Variants in ZBTB7C observed in about 807,000 individuals in gnomAD.
ZBTB7C encodes the protein zinc finger and BTB domain-containing protein 7C.
Under a neutral mutation model 25.7 loss-of-function variants are expected in ZBTB7C, and 8 were observed. That is an observed-to-expected ratio of 0.31 (90% CI 0.18 to 0.56). The LOEUF (loss-of-function observed/expected upper bound fraction) is 0.56, where lower values mean the gene tolerates loss of function less well. Among genes scored for constraint, ZBTB7C ranks in the 20% least tolerant of loss-of-function variants. The pLI is 0.91. For synonymous variants in ZBTB7C, 394 were observed against 369.0 expected, an observed-to-expected ratio of 1.07 and a Z score of -0.78; for missense variants, 824 against 855.2, an observed-to-expected ratio of 0.96 and a Z score of 0.46.
intron 1 of ZBTB7C, among the ~76,000 whole-genome samples, chr18:48,392,440 T>C (rs200681403): frequency 6.6e-6 from 1 of 152,250 alleles, no homozygotes; most frequent in Non-Finnish European, 1.5e-5. Flanking sequence ...GCTATGGCTG[T>C]GTTTCTCTGT....
intron 1 of ZBTB7C, among the ~76,000 whole-genome samples, chr18:48,369,387 C>T (rs1364820002): frequency 6.6e-6 from 1 of 151,648 alleles, no homozygotes; most frequent in African/African-American, 2.4e-5. Flanking sequence ...AAATGAAAGA[C>T]AGAGAGAATA....
At chr18:48,071,155 T>C (rs1356087589) in intron 3 of ZBTB7C, among the ~76,000 whole-genome samples, 1 of 152,152 alleles carries the variant, frequency 6.6e-6, no homozygotes, top group Non-Finnish European at 1.5e-5. Context: ...AAAACATCCT[T>C]TACACAAAGG....
At chr18:48,090,767 C>T (rs1183549920) in intron 3 of ZBTB7C, among the ~76,000 whole-genome samples, 1 of 151,294 alleles carries the variant, frequency 6.6e-6, no homozygotes, top group East Asian at 1.9e-4. Context: ...GACAGACCCA[C>T]CCCTTGCCTG....
intron 1 of ZBTB7C, among the ~76,000 whole-genome samples, chr18:48,379,058 G>C (rs1598997378): frequency 6.6e-6 from 1 of 152,158 alleles, no homozygotes; most frequent in African/African-American, 2.4e-5. Flanking sequence ...TAATCCTATG[G>C]TAAGTTAAGG....
intron 2 of ZBTB7C, among the ~76,000 whole-genome samples, chr18:48,210,320 T>C (rs2042673700): frequency 6.6e-6 from 1 of 152,180 alleles, no homozygotes; most frequent in African/African-American, 2.4e-5. Context: ...CTCCTAAATA[T>C]ATACCCCAAA....
At chr18:48,256,348 C>T (rs143376027) in intron 2 of ZBTB7C, among the ~76,000 whole-genome samples, 1 of 150,986 alleles carries the variant, frequency 6.6e-6, no homozygotes, top group Non-Finnish European at 1.5e-5. Flanking sequence ...ATAATGTGGG[C>T]AAAAAGACAG....
chr18:48,029,482 CT>C lies in ZBTB7C; in HGVS notation c.1637del (p.Glu546GlyfsTer11), dbSNP rs1328067169. On this transcript the variant is annotated frameshift_variant, in exon 5 of 5. Coordinates refer to ENST00000590800, the MANE Select transcript of ZBTB7C (RefSeq NM_001318841.2). LOFTEE classifies it high-confidence loss of function. ...GTGTCTCCTCGAACTGCCGCTCCAG[CT>C]CTTGCAGGCTCAGGGCGCCCTTGGG... ...AAPKGALSLQ[E>X]LERQFEETQM... is the part of the protein sequence containing the mutation. 6.3e-7 allele frequency: 1 copy of C among 1,595,920 alleles called. No homozygotes were observed. The highest frequency in any genetic ancestry group is 8.5e-7 in the Non-Finnish European group (1 of 1,175,482).
intron 3 of ZBTB7C, among the ~76,000 whole-genome samples, chr18:48,100,816 C>A (rs2038802433): frequency 6.6e-6 from 1 of 151,782 alleles, no homozygotes; most frequent in South Asian, 2.1e-4. Flanking sequence ...AACAAGGTCG[C>A]AAATCAAGCC....
In ZBTB7C at chr18:48,045,166, A is replaced by C. The variant is rs548968279; in HGVS notation, c.-16-4043T>G. Among the ~76,000 whole-genome samples the C allele has an allele frequency of 8.3e-4, 126 of 152,358 alleles. 1 individual carries two copies. The highest frequency in any genetic ancestry group is 2.9e-3 in the African/African-American group (122 of 41,594). On this transcript the variant is annotated intron_variant, in intron 3 of 4. Transcript: ENST00000590800. ...GTGGCACTGCCCTCCAGGGACAGCC[A>C]AGCAGGCAAGGGCCGGCAGGGCAGA...
intron 1 of ZBTB7C, among the ~76,000 whole-genome samples, chr18:48,399,306 C>T (rs985263847): frequency 2.0e-5 from 3 of 152,206 alleles, no homozygotes; most frequent in Non-Finnish European, 4.4e-5. Flanking sequence ...TTTAAAACCC[C>T]TTTTGTACCT....
At chr18:48,110,332 C>G (rs201834258) in intron 3 of ZBTB7C, among the ~76,000 whole-genome samples, 14 of 152,018 alleles carry the variant, frequency 9.2e-5, no homozygotes, top group East Asian at 5.8e-4. Context: ...CCTACCCCCC[C>G]ACCTGGTTCA....
chr18:48,198,817 T>C (rs1267862846), intron 2 of ZBTB7C, among the ~76,000 whole-genome samples: 1 of 152,220 alleles, frequency 6.6e-6, no homozygotes, highest in Non-Finnish European at 1.5e-5. Context: ...GATTAGGATG[T>C]GGACATCTTT....
At chr18:48,353,940 T>C (rs553256909) in intron 1 of ZBTB7C, among the ~76,000 whole-genome samples, 2 of 152,262 alleles carry the variant, frequency 1.3e-5, no homozygotes, top group South Asian at 2.1e-4. Context: ...GAGAGGGAGA[T>C]AGAGACTTTA....
chr18:48,380,461 A>T lies in ZBTB7C; in HGVS notation c.-304+28765T>A, dbSNP rs1008297432. On this transcript the variant is annotated intron_variant, in intron 1 of 4. Transcript: ENST00000590800. ...GGATTAGTCGGAGACATCGGTATGA[A>T]CTCATGTTTACCTTGACATAAATAC... is the stretch of plus-strand genomic sequence containing the variant. Among the ~76,000 whole-genome samples, 11 of 152,324 alleles carry T rather than the reference A, an allele frequency of 7.2e-5. No homozygotes were observed. The South Asian group carries it at 1.4e-3, about 20-fold the overall frequency.
chr18:48,152,562 C>T (rs1465563654), intron 3 of ZBTB7C, among the ~76,000 whole-genome samples: 1 of 152,192 alleles, frequency 6.6e-6, no homozygotes, highest in African/African-American at 2.4e-5. Context: ...ATTCATGCCA[C>T]CTACATTTCT....
rs375571931 is a variant in ZBTB7C, at chr18:48,267,192, C to G, written c.-79+70982G>C. 4.7e-4 allele frequency among the ~76,000 whole-genome samples: 71 copies of G among 152,324 alleles called. 3 individuals carry two copies. The highest frequency in any genetic ancestry group is 2.5e-3 in the East Asian group (13 of 5,188). On this transcript the variant is annotated intron_variant, in intron 2 of 4. Transcript: ENST00000590800. ...CTCCTCCATTGCTCATCAGATACCC[C>G]CTCAGCACCACAGAAACTACATGAC...
At chr18:48,410,474 C>T (rs890782311), upstream of ZBTB7C, among the ~76,000 whole-genome samples, 9 of 152,182 alleles carry the variant, frequency 5.9e-5, no homozygotes, top group African/African-American at 1.7e-4. Context: ...CCGGGCCCCG[C>T]CCCCTCGGAG....
At chr18:48,054,640 T>A (rs2036841334) in intron 3 of ZBTB7C, among the ~76,000 whole-genome samples, 1 of 152,220 alleles carries the variant, frequency 6.6e-6, no homozygotes, top group Non-Finnish European at 1.5e-5. Flanking sequence ...TGTACTTTTC[T>A]TCTAAGCAAA....
chr18:48,266,168 T>C (rs1321503409), intron 2 of ZBTB7C, among the ~76,000 whole-genome samples: 1 of 151,866 alleles, frequency 6.6e-6, no homozygotes, highest in African/African-American at 2.4e-5. Flanking sequence ...AATTTTAAAG[T>C]GAAATAAAGC....
Sources: gnomAD v4.1 joint callset for allele counts (sites outside exome capture counted in the v4.1 genomes callset) on GRCh38, gnomAD v4.1.1 for gene constraint, MANE v1.5 for transcripts, NCBI Gene and HGNC (gene_info 2026-07-23, HGNC 2026-07-21) for gene names.